KCNH7: variants seen among roughly 807,000 people sequenced by gnomAD.
KCNH7 encodes potassium voltage-gated channel subfamily H member 7.
In KCNH7, 49 loss-of-function variants were observed where a neutral mutation model predicts 120.8. The observed-to-expected ratio is 0.41, with a 90% confidence interval of 0.32 to 0.51. KCNH7 has a LOEUF of 0.51. Ranked by LOEUF, KCNH7 falls within the 20% of genes least tolerant of loss-of-function variation. KCNH7 has a pLI of 0.38. For missense variants in KCNH7, 1,097 were observed against 1,446.6 expected, an observed-to-expected ratio of 0.76 and a Z score of 3.92; for synonymous variants, 547 against 516.1, an observed-to-expected ratio of 1.06 and a Z score of -0.81.
rs79026932 is a variant in KCNH7 at position 162,619,122 on chromosome 2, A to T, written c.308-82042T>A. Among the ~76,000 whole-genome samples, 679 of 152,154 alleles carry T rather than the reference A, an allele frequency of 4.5e-3. 7 individuals are homozygous for T. Among genetic ancestry groups the T allele is most frequent in the African/African-American group, 0.016 (652 of 41,528 alleles). ...TTATTCATTCATTGAATTACTTTTC[A>T]TCAATTGTGTGTCAGAGCTGTGCTA... is the stretch of plus-strand genomic sequence containing the variant. On this transcript the variant is annotated intron_variant, in intron 2 of 15. Transcript: ENST00000332142.
intron 6 of KCNH7, among the ~76,000 whole-genome samples, chr2:162,466,204 C>A (rs936568924): frequency 1.6e-4 from 24 of 152,138 alleles, no homozygotes; most frequent in African/African-American, 5.3e-4. Flanking sequence ...GTTAGGGAAC[C>A]CTTGCCTGAC....
At chr2:162,407,720 G>T (rs985385729) in intron 9 of KCNH7, among the ~76,000 whole-genome samples, 2 of 151,970 alleles carry the variant, frequency 1.3e-5, no homozygotes, top group African/African-American at 4.8e-5. Flanking sequence ...TTTGAGAGAG[G>T]TAGTGGGGGA....
At chr2:162,714,310 C>T (rs1687033896) in intron 2 of KCNH7, among the ~76,000 whole-genome samples, 1 of 152,090 alleles carries the variant, frequency 6.6e-6, no homozygotes, top group Admixed American at 6.6e-5. Context: ...CACTAAGACT[C>T]ATATCAGTTA....
At chr2:162,641,178 A>G (rs1197873206) in intron 2 of KCNH7, among the ~76,000 whole-genome samples, 1 of 152,186 alleles carries the variant, frequency 6.6e-6, no homozygotes, top group East Asian at 1.9e-4. Flanking sequence ...CAGTCCTGGA[A>G]CTTATGCTCA....
At chr2:162,396,188 TTCTG>T (rs1220151020) in intron 11 of KCNH7, among the ~76,000 whole-genome samples, 2 of 151,790 alleles carry the variant, frequency 1.3e-5, no homozygotes, top group Admixed American at 6.6e-5. Context: ...AAACTATTAT[TTCTG>T]TTAGACTACA....
chr2:162,777,232 A>T lies in KCNH7; in HGVS notation c.307+59305T>A, dbSNP rs572867877. Among the ~76,000 whole-genome samples the T allele has an allele frequency of 2.0e-5, 3 of 152,248 alleles. No individual in the cohort carries two copies. In the East Asian group the frequency reaches 5.8e-4, roughly 29 times the overall value. The stretch of plus-strand genomic sequence containing the variant: ...GATAACCAAAATCCAAGCATACTCA[A>T]GTTCTTTATTAAATGACAAAATATT... On this transcript the variant is annotated intron_variant, in intron 2 of 15. Coordinates refer to ENST00000332142, the MANE Select transcript of KCNH7 (RefSeq NM_033272.4).
At chr2:162,693,837 A>AAATATAGAAAAAAATAT (rs1253821476) in intron 2 of KCNH7, among the ~76,000 whole-genome samples, 1 of 152,220 alleles carries the variant, frequency 6.6e-6, no homozygotes, top group Non-Finnish European at 1.5e-5. Context: ...TCCTCATGTT[A>AAATATAGAAAAAAATAT]ACAAATATAG....
intron 2 of KCNH7, among the ~76,000 whole-genome samples, chr2:162,670,184 T>G (rs1191094315): frequency 6.6e-6 from 1 of 150,440 alleles, no homozygotes; most frequent in Non-Finnish European, 1.5e-5. Context: ...AGAAAAGATA[T>G]CCAGTTGGTC....
intron 3 of KCNH7, among the ~76,000 whole-genome samples, chr2:162,534,392 T>C (rs1225074577): frequency 6.6e-6 from 1 of 151,258 alleles, no homozygotes; most frequent in Non-Finnish European, 1.5e-5. Context: ...GAGAAAACAA[T>C]AATAAAAGAA....
chr2:162,675,161 A>G (rs1685491478), intron 2 of KCNH7, among the ~76,000 whole-genome samples: 1 of 151,552 alleles, frequency 6.6e-6, no homozygotes, highest in Non-Finnish European at 1.5e-5. Flanking sequence ...TGGATGGAAA[A>G]ACAAAAACAA....
chr2:162,765,125 A>T (rs1682737717), intron 2 of KCNH7, among the ~76,000 whole-genome samples: 1 of 152,238 alleles, frequency 6.6e-6, no homozygotes, highest in Non-Finnish European at 1.5e-5. Context: ...AGCTGCTACT[A>T]ACACCAACAT....
In KCNH7 at chr2:162,707,487, T is replaced by G. The variant is rs964208221; in HGVS notation, c.307+129050A>C. 3.3e-5 allele frequency among the ~76,000 whole-genome samples: 5 copies of G among 152,088 alleles called. No homozygotes were observed. In the South Asian group the frequency reaches 1.0e-3, roughly 31 times the overall value. ...AATTTTAAATATGCTTTGAAAGAAA[T>G]GCTTCATTTTTAATGTCATCATTTG... On this transcript the variant is annotated intron_variant, in intron 2 of 15. Coordinates refer to ENST00000332142, the MANE Select transcript of KCNH7 (RefSeq NM_033272.4).
intron 7 of KCNH7, 89 bp downstream of exon 7, chr2:162,445,929 T>A (rs968615671): frequency 4.5e-5 from 46 of 1,020,586 alleles, no homozygotes; most frequent in Non-Finnish European, 5.6e-6. Context: ...ACAAGAAGCT[T>A]GCAAAGCAAC....
At chr2:162,667,018 C>CTTTTTTTT (rs34213467) in intron 2 of KCNH7, among the ~76,000 whole-genome samples, 2 of 124,216 alleles carry the variant, frequency 1.6e-5, no homozygotes, top group Non-Finnish European at 3.3e-5. Flanking sequence ...TTTTCTTTTT[C>CTTTTTTTT]TTTTTTTTTT....
chr2:162,430,369 G>A (rs895077749), intron 8 of KCNH7, among the ~76,000 whole-genome samples: 1 of 152,070 alleles, frequency 6.6e-6, no homozygotes, highest in African/African-American at 2.4e-5. Flanking sequence ...AGATTCAAAA[G>A]GATACCTATG....
At chr2:162,443,128 C>T (rs1688477444) in intron 7 of KCNH7, among the ~76,000 whole-genome samples, 1 of 152,072 alleles carries the variant, frequency 6.6e-6, no homozygotes, top group African/African-American at 2.4e-5. Context: ...TATGTGTCTC[C>T]AGACCCTTAA....
chr2:162,769,995 T>G (rs1299707706), intron 2 of KCNH7, among the ~76,000 whole-genome samples: 1 of 152,102 alleles, frequency 6.6e-6, no homozygotes, highest in Non-Finnish European at 1.5e-5. Context: ...GATTTAAAAT[T>G]TAAATTAATT....
At chr2:162,713,869 C>T (rs1188371889) in intron 2 of KCNH7, among the ~76,000 whole-genome samples, 3 of 152,172 alleles carry the variant, frequency 2.0e-5, no homozygotes, top group Non-Finnish European at 4.4e-5. Flanking sequence ...CTGCCTCAGC[C>T]TCCCGGGTAG....
At chr2:162,548,261 G>A (rs1692546813) in intron 2 of KCNH7, among the ~76,000 whole-genome samples, 1 of 152,192 alleles carries the variant, frequency 6.6e-6, no homozygotes, top group African/African-American at 2.4e-5. Flanking sequence ...ACAAGGCCTT[G>A]CAGCAGGTAG....
Sources: allele counts gnomAD v4.1 joint callset (sites outside exome capture counted in the v4.1 genomes callset), GRCh38; gene constraint gnomAD v4.1.1; transcripts MANE v1.5; gene names NCBI Gene and HGNC (gene_info 2026-07-23, HGNC 2026-07-21).